The following LRGUK variants were observed in gnomAD, a reference collection of about 807,000 sequenced individuals.
LRGUK encodes leucine rich repeats and guanylate kinase domain containing.
Under a neutral mutation model 76.0 loss-of-function variants are expected in LRGUK, and 65 were observed. That is an observed-to-expected ratio of 0.85 (90% CI 0.70 to 1.05). The LOEUF is 1.05. LRGUK is among the 50% of genes least tolerant of loss of function. The pLI is 0.00. For synonymous variants in LRGUK, 268 were observed against 265.6 expected (o/e 1.01, Z -0.09); for missense variants, 758 against 732.8 (o/e 1.03, Z -0.40).
In LRGUK at chr7:134,179,254, G is replaced by A. The variant is rs550502224; in HGVS notation, c.1214+645G>A. Among the ~76,000 whole-genome samples the A allele has an allele frequency of 2.5e-4, 38 of 152,280 alleles. No homozygotes were observed. The South Asian group carries it at 4.8e-3, about 19-fold the overall frequency. On this transcript the variant is annotated intron_variant, in intron 10 of 15. Transcript: ENST00000645682. ...CTGAATTCGAAGACAGATTTACCAT[G>A]CTTTCTTCATTTCTTTTTAAAACAA...
chr7:134,158,054 C>A, exon 6 of LRGUK: 1 of 1,612,056 alleles, frequency 6.2e-7, no homozygotes, highest in Non-Finnish European at 8.5e-7. Context: ...TAGAAGAAAT[C>A]AGTGGACTAG....
At chr7:134,135,218 T>C (rs968827555) in intron 1 of LRGUK, among the ~76,000 whole-genome samples, 1 of 152,184 alleles carries the variant, frequency 6.6e-6, no homozygotes, top group Non-Finnish European at 1.5e-5. Flanking sequence ...AAATGCTTTT[T>C]AGGGAATGAA....
intron 7 of LRGUK, among the ~76,000 whole-genome samples, chr7:134,173,698 T>C (rs1799356877): frequency 6.6e-6 from 1 of 152,086 alleles, no homozygotes; most frequent in African/African-American, 2.4e-5. Flanking sequence ...AGTGTACAAG[T>C]TAGCTAAAGA....
chr7:134,233,395 T>G lies in LRGUK; in HGVS notation c.1983+11477T>G, dbSNP rs546778880. 2.8e-4 allele frequency among the ~76,000 whole-genome samples: 42 copies of G among 152,358 alleles called. 1 individual carries two copies. In the South Asian group the frequency reaches 8.7e-3, roughly 32 times the overall value. On this transcript the variant is annotated intron_variant, in intron 16 of 19. Transcript: ENST00000285928. Reference sequence around the variant, plus strand: ...AGCAAGCCAAGTCACTGAGAGCCAATTCTCCAGAAAGAAAAATTGCTGAAT... The same window carrying G: ...AGCAAGCCAAGTCACTGAGAGCCAAGTCTCCAGAAAGAAAAATTGCTGAAT...
intron 6 of LRGUK, among the ~76,000 whole-genome samples, chr7:134,158,500 A>G (rs969204727): frequency 2.0e-5 from 3 of 152,194 alleles, no homozygotes; most frequent in Admixed American, 1.3e-4. Context: ...ATTGGTGAAA[A>G]TAACATTTAA....
At chr7:134,263,419 C>CTGTGTGTGTGTGAGAGTGTGTGTGTGTG (rs60637538) in intron 19 of LRGUK, among the ~76,000 whole-genome samples, 1 of 149,512 alleles carries the variant, frequency 6.7e-6, no homozygotes, top group Non-Finnish European at 1.5e-5. Flanking sequence ...GTGTGTGTGT[C>CTGTGTGTGTGTGAGAGTGTGTGTGTGTG]TGTGTGCATG....
chr7:134,213,728 G>C (rs2117136115), downstream of LRGUK, among the ~76,000 whole-genome samples: 1 of 152,084 alleles, frequency 6.6e-6, no homozygotes, highest in East Asian at 1.9e-4. Context: ...AGTGGAACTG[G>C]ACAATATTTT....
intron 1 of LRGUK, among the ~76,000 whole-genome samples, chr7:134,134,435 A>G (rs1043358444): frequency 1.3e-5 from 2 of 152,226 alleles, no homozygotes; most frequent in Non-Finnish European, 2.9e-5. Flanking sequence ...CAGGATAACA[A>G]CAGGAGCTTG....
At chr7:134,264,364 A>C (rs1339486387) in exon 20 of LRGUK, 1 of 159,046 alleles carries the variant, frequency 6.3e-6, no homozygotes, top group Non-Finnish European at 1.4e-5. Flanking sequence ...TTTCTGATAT[A>C]TCCAACTGGG....
intron 15 of LRGUK, among the ~76,000 whole-genome samples, chr7:134,219,694 GTC>G (rs1034658537): frequency 1.2e-4 from 18 of 150,162 alleles, no homozygotes; most frequent in South Asian, 6.3e-4. Context: ...CTCTCTCTCT[GTC>G]TCTCTCTCTC....
exon 20 of LRGUK, chr7:134,264,190 T>G: frequency 2.5e-6 from 1 of 407,818 alleles, no homozygotes; most frequent in Non-Finnish European, 4.2e-6. Flanking sequence ...TTAAATGATT[T>G]TTAAAGATGT....
chr7:134,223,964 T>A (rs568403658), intron 16 of LRGUK, among the ~76,000 whole-genome samples: 12 of 152,130 alleles, frequency 7.9e-5, no homozygotes, highest in South Asian at 4.1e-4. Flanking sequence ...GAGATCTTGC[T>A]ATACCTGGGG....
intron 16 of LRGUK, among the ~76,000 whole-genome samples, chr7:134,233,856 T>C (rs1585586139): frequency 6.6e-6 from 1 of 152,174 alleles, no homozygotes; most frequent in African/African-American, 2.4e-5. Flanking sequence ...CTCAGGATCC[T>C]CACGGCTCTA....
intron 9 of LRGUK, among the ~76,000 whole-genome samples, chr7:134,178,135 A>T (rs993038558): frequency 6.6e-6 from 1 of 152,166 alleles, no homozygotes; most frequent in Admixed American, 6.5e-5. Flanking sequence ...CCTTTTTCAC[A>T]TATTAAAAGT....
chr7:134,168,108 G>A (rs1286166062), intron 7 of LRGUK, among the ~76,000 whole-genome samples: 3 of 152,002 alleles, frequency 2.0e-5, no homozygotes, highest in African/African-American at 7.2e-5. Flanking sequence ...CTGTAATCCT[G>A]GAGCTTTGGG....
In LRGUK at chr7:134,202,318, T is replaced by TAA. The variant is rs11354724; in HGVS notation, c.1843+752_1843+753dup. On this transcript the variant is annotated intron_variant, in intron 15 of 15. Transcript: ENST00000645682. ...AGGATGGCTACTATAAAAACAAAAT[T>TAA]AAAAAAAAAAACAGAAATTAACAGG... Among the ~76,000 whole-genome samples the TAA allele has an allele frequency of 1.3e-3, 199 of 148,808 alleles. 1 individual carries two copies. Among genetic ancestry groups the TAA allele is most frequent in the Middle Eastern group, 3.5e-3 (1 of 286 alleles).
Position 134,148,235 on chromosome 7 carries a change from C to A in LRGUK, c.589-3C>A, listed in dbSNP as rs1275565745. 2 of 1,593,198 alleles carry A rather than the reference C, an allele frequency of 1.3e-6. No individual in the cohort carries two copies. Among genetic ancestry groups the A allele is most frequent in the African/African-American group, 2.7e-5 (2 of 74,050 alleles). Reference sequence around the variant, plus strand: ...TAACATCTTGTTCTCTTTCTCTTGCCAGAAGGCGGATTTTTCCCACAACCA... The same window carrying A: ...TAACATCTTGTTCTCTTTCTCTTGCAAGAAGGCGGATTTTTCCCACAACCA... On this transcript the variant is annotated splice_polypyrimidine_tract_variant and splice_region_variant and intron_variant, in intron 4 of 15. Coordinates refer to ENST00000645682, the Ensembl canonical transcript of LRGUK.
At chr7:134,143,802 T>C (rs1404784867) in intron 4 of LRGUK, among the ~76,000 whole-genome samples, 1 of 152,224 alleles carries the variant, frequency 6.6e-6, no homozygotes, top group Non-Finnish European at 1.5e-5. Context: ...AGTGAGTCTG[T>C]TGCTTAAATG....
chr7:134,127,526 C>T (rs1161015663), exon 1 of LRGUK: 6 of 1,614,220 alleles, frequency 3.7e-6, no homozygotes, highest in Admixed American at 3.3e-5. Context: ...CGAAAGGCAG[C>T]TCTAACATAG....
Sources: allele counts gnomAD v4.1 joint callset (sites outside exome capture counted in the v4.1 genomes callset), GRCh38; gene constraint gnomAD v4.1.1; transcripts MANE v1.5; gene names NCBI Gene and HGNC (gene_info 2026-07-23, HGNC 2026-07-21).